Variants in GRIK1 observed in about 807,000 individuals in gnomAD.
GRIK1 encodes glutamate receptor ionotropic, kainate 1.
In GRIK1, 69 loss-of-function variants were observed where a neutral mutation model predicts 105.7. The ratio of observed to expected loss-of-function variants is 0.65; its 90% CI spans 0.54 to 0.80. The LOEUF is 0.80. GRIK1 is among the 30% of genes least tolerant of loss of function. GRIK1 has a pLI of 0.00. For missense variants in GRIK1, 1,109 were observed against 1,167.3 expected (o/e 0.95, Z 0.73); for synonymous variants, 438 against 431.3 (o/e 1.02, Z -0.19).
chr21:29,656,505 T>C (rs1179064605), intron 4 of GRIK1, among the ~76,000 whole-genome samples: 1 of 152,034 alleles, frequency 6.6e-6, no homozygotes, highest in Non-Finnish European at 1.5e-5. Context: ...CAAAGACTCT[T>C]AGACACCATC....
chr21:29,881,273 C>T (rs1181939263), intron 1 of GRIK1, among the ~76,000 whole-genome samples: 1 of 151,990 alleles, frequency 6.6e-6, no homozygotes, highest in Non-Finnish European at 1.5e-5. Context: ...TAGATAGCTT[C>T]CTATTGGTTC....
At chr21:29,549,058 G>A (rs2090089142) in intron 16 of GRIK1, among the ~76,000 whole-genome samples, 1 of 152,070 alleles carries the variant, frequency 6.6e-6, no homozygotes, top group Admixed American at 6.5e-5. Context: ...ATAGAGATGA[G>A]GTCCCACCAT....
At chr21:29,693,121 A>G (rs1601466073) in intron 2 of GRIK1, among the ~76,000 whole-genome samples, 2 of 152,102 alleles carry the variant, frequency 1.3e-5, no homozygotes, top group African/African-American at 2.4e-5. Flanking sequence ...AACCCCCCCA[A>G]TCTGGGGTGA....
chr21:29,796,892 T>G (rs2066573311), intron 1 of GRIK1, among the ~76,000 whole-genome samples: 1 of 151,766 alleles, frequency 6.6e-6, no homozygotes, highest in African/African-American at 2.4e-5. Flanking sequence ...GAGGTTTCAG[T>G]GAGCTGAGAT....
intron 6 of GRIK1, among the ~76,000 whole-genome samples, chr21:29,643,351 A>C (rs904041810): frequency 6.6e-6 from 1 of 152,196 alleles, no homozygotes; most frequent in Admixed American, 6.6e-5. Context: ...TTTGTTTCTC[A>C]GCATTTGTCT....
chr21:29,867,908 A>G (rs1250155326), intron 1 of GRIK1, among the ~76,000 whole-genome samples: 3,645 of 77,236 alleles, frequency 0.047, 143 homozygotes, highest in African/African-American at 0.12. Context: ...GAGAGAAAGA[A>G]AGAGAGAGAA....
chr21:29,626,090 C>G (rs2062123140), intron 7 of GRIK1, among the ~76,000 whole-genome samples: 1 of 152,074 alleles, frequency 6.6e-6, no homozygotes, highest in Admixed American at 6.6e-5. Context: ...ATACCACAGA[C>G]TAATTTATTT....
intron 1 of GRIK1, among the ~76,000 whole-genome samples, chr21:29,918,466 A>G (rs2071079374): frequency 6.6e-6 from 1 of 152,118 alleles, no homozygotes; most frequent in African/African-American, 2.4e-5. Flanking sequence ...GCGGAGATTT[A>G]AAGGTATAGA....
chr21:29,853,787 T>C (rs1039870199), intron 1 of GRIK1, among the ~76,000 whole-genome samples: 3 of 152,236 alleles, frequency 2.0e-5, no homozygotes, highest in Non-Finnish European at 4.4e-5. Context: ...CCTGCTTTCC[T>C]GAAGTTTACA....
rs1204931643 is a variant in GRIK1, at chr21:29,939,824, G to A, written c.-324C>T. The A allele has an allele frequency of 3.9e-6, 1 of 253,734 alleles. No individual in the cohort carries two copies. The highest frequency in any genetic ancestry group is 7.5e-6 in the Non-Finnish European group (1 of 133,768). 15.7% of individuals were successfully genotyped at this position (253,734 alleles called of 1,614,324 possible). ...ACCAGCTGAGGAAAGTTGCTGCCCCGATCTGCAGGAACGTCTCCCTCATTC... is the reference window on the plus strand; with the variant it reads ...ACCAGCTGAGGAAAGTTGCTGCCCCAATCTGCAGGAACGTCTCCCTCATTC... On this transcript the variant is annotated 5_prime_UTR_variant, in exon 1 of 18. Transcript: ENST00000327783.
intron 16 of GRIK1, among the ~76,000 whole-genome samples, chr21:29,554,123 A>G (rs1293535561): frequency 6.6e-6 from 1 of 152,172 alleles, no homozygotes; most frequent in East Asian, 1.9e-4. Context: ...CCAGCCACAT[A>G]ATTTGCAGGG....
intron 1 of GRIK1, among the ~76,000 whole-genome samples, chr21:29,742,855 T>C (rs963572997): frequency 1.3e-5 from 2 of 152,214 alleles, no homozygotes; most frequent in South Asian, 4.1e-4. Context: ...AACATTTTTT[T>C]CTCATTGCTT....
At chr21:29,761,926 T>G (rs1312118359) in intron 1 of GRIK1, among the ~76,000 whole-genome samples, 2 of 152,164 alleles carry the variant, frequency 1.3e-5, no homozygotes, top group Non-Finnish European at 2.9e-5. Flanking sequence ...TTTTGTATTT[T>G]TAGTAGAGAC....
intron 7 of GRIK1, among the ~76,000 whole-genome samples, chr21:29,616,695 C>T (rs363439): frequency 0.29 from 44,390 of 151,956 alleles, 6,822 homozygotes; most frequent in African/African-American, 0.4. Context: ...TTCATGAAAC[C>T]GCCTCAAAAC....
chr21:29,722,133 T>G (rs1202891860), intron 1 of GRIK1, among the ~76,000 whole-genome samples: 1 of 152,144 alleles, frequency 6.6e-6, no homozygotes, highest in South Asian at 2.1e-4. Context: ...TCTGTCATAA[T>G]AACATACCCT....
chr21:29,737,129 A>G (rs1336258045), intron 1 of GRIK1, among the ~76,000 whole-genome samples: 9 of 152,152 alleles, frequency 5.9e-5, no homozygotes, highest in Non-Finnish European at 1.3e-4. Context: ...AACAATTTCC[A>G]AAGACAGCTT....
Position 29,678,807 on chromosome 21 carries a change from G to A in GRIK1, c.545-5643C>T, listed in dbSNP as rs141567825. 7.2e-5 allele frequency among the ~76,000 whole-genome samples: 11 copies of A among 152,244 alleles called. No homozygotes were observed. The East Asian group carries it at 1.9e-3, about 27-fold the overall frequency. ...AGTGGGGTGAGTGGTGATGACAGAA[G>A]GTGAAAAGAGTCACTTATTTGGCAC... On this transcript the variant is annotated intron_variant, in intron 3 of 17. Transcript: ENST00000327783.
intron 14 of GRIK1, among the ~76,000 whole-genome samples, chr21:29,570,957 A>G (rs1398163549): frequency 6.6e-6 from 1 of 152,210 alleles, no homozygotes; most frequent in East Asian, 1.9e-4. Flanking sequence ...GTGTAAATAC[A>G]GTCCTTGATG....
chr21:29,850,802 G>A (rs895412447), intron 1 of GRIK1, among the ~76,000 whole-genome samples: 25 of 152,080 alleles, frequency 1.6e-4, no homozygotes, highest in African/African-American at 5.8e-4. Flanking sequence ...TATAACAGGG[G>A]AAATAGTATA....
Sources: gnomAD v4.1 joint callset for allele counts (sites outside exome capture counted in the v4.1 genomes callset) on GRCh38, gnomAD v4.1.1 for gene constraint, MANE v1.5 for transcripts, NCBI Gene and HGNC (gene_info 2026-07-23, HGNC 2026-07-21) for gene names.